Variants in PLA2R1 observed in about 807,000 individuals in gnomAD.
The protein encoded by PLA2R1 is secretory phospholipase A2 receptor.
A neutral mutation model predicts 195.9 loss-of-function variants in PLA2R1; 158 were observed. The ratio of observed to expected loss-of-function variants is 0.81; its 90% CI spans 0.71 to 0.92. PLA2R1 has a LOEUF of 0.92. Ranked by LOEUF, PLA2R1 falls within the 40% of genes least tolerant of loss-of-function variation. The pLI is 0.00. For synonymous variants in PLA2R1, 586 were observed against 598.2 expected (o/e 0.98, Z 0.30); for missense variants, 1,626 against 1,764.6 (o/e 0.92, Z 1.41).
chr2:159,986,929 G>A (rs1396791188), intron 12 of PLA2R1, among the ~76,000 whole-genome samples: 1 of 152,036 alleles, frequency 6.6e-6, no homozygotes, highest in Non-Finnish European at 1.5e-5. Flanking sequence ...ATCTTCATGA[G>A]GAAGCCTTCA....
At chr2:160,000,649 C>T (rs1212505336) in intron 11 of PLA2R1, among the ~76,000 whole-genome samples, 1 of 152,018 alleles carries the variant, frequency 6.6e-6, no homozygotes, top group Non-Finnish European at 1.5e-5. Context: ...AACTCGGATA[C>T]ATTTAAGGAA....
intron 20 of PLA2R1, among the ~76,000 whole-genome samples, chr2:159,966,386 A>G (rs928454242): frequency 2.0e-5 from 3 of 152,174 alleles, no homozygotes; most frequent in Non-Finnish European, 4.4e-5. Context: ...AGGGGTTCAG[A>G]GTAGGAAGAA....
intron 13 of PLA2R1, among the ~76,000 whole-genome samples, chr2:159,982,693 G>A (rs1381319233): frequency 6.6e-6 from 1 of 152,180 alleles, no homozygotes; most frequent in Non-Finnish European, 1.5e-5. Context: ...TCTGATAGAT[G>A]TTGCATGTTA....
intron 11 of PLA2R1, among the ~76,000 whole-genome samples, chr2:159,993,082 C>T (rs1192033216): frequency 2.0e-5 from 3 of 152,104 alleles, no homozygotes; most frequent in Non-Finnish European, 4.4e-5. Context: ...TTCTCTTTCA[C>T]CATAGAGCAA....
At chr2:160,001,491 C>T (rs1329864472) in intron 11 of PLA2R1, among the ~76,000 whole-genome samples, 3 of 151,672 alleles carry the variant, frequency 2.0e-5, no homozygotes, top group African/African-American at 7.3e-5. Flanking sequence ...TATAAGTAAA[C>T]CAAACTATAC....
At chr2:160,017,603 T>C (rs960858336) in intron 8 of PLA2R1, among the ~76,000 whole-genome samples, 1 of 152,220 alleles carries the variant, frequency 6.6e-6, no homozygotes, top group African/African-American at 2.4e-5. Flanking sequence ...CCTCTTTATA[T>C]GCTAGGCAGA....
rs1054380255 is a variant in PLA2R1 at position 159,941,278 on chromosome 2, A to G, written c.*500T>C. The stretch of plus-strand genomic sequence containing the variant: ...AAATTAGTATTTTCCAAATCCTGCT[A>G]TTAAAAGTGAATTCAAAAGAAACAA... On this transcript the variant is annotated 3_prime_UTR_variant, in exon 30 of 30. Coordinates refer to ENST00000283243, the MANE Select transcript of PLA2R1 (RefSeq NM_007366.5). 1.3e-5 allele frequency: 2 copies of G among 152,422 alleles called. No individual in the cohort carries two copies. Among genetic ancestry groups the G allele is most frequent in the Non-Finnish European group, 2.9e-5 (2 of 68,216 alleles). The allele number at this position is 152,422 out of a possible 1,614,324, so 9.4% of individuals were successfully genotyped here.
chr2:159,970,907 A>G (rs1169943275), intron 17 of PLA2R1, among the ~76,000 whole-genome samples: 1 of 142,354 alleles, frequency 7.0e-6, no homozygotes, highest in Non-Finnish European at 1.5e-5. Flanking sequence ...AACAATGAGA[A>G]CACATGGACA....
intron 20 of PLA2R1, among the ~76,000 whole-genome samples, chr2:159,963,471 A>G (rs1352705434): frequency 1.3e-5 from 2 of 152,196 alleles, no homozygotes; most frequent in Non-Finnish European, 2.9e-5. Context: ...AATGACTGAA[A>G]ATATTTATAA....
At chr2:159,985,073 T>C (rs1690232766) in intron 12 of PLA2R1, among the ~76,000 whole-genome samples, 1 of 152,186 alleles carries the variant, frequency 6.6e-6, no homozygotes, top group African/African-American at 2.4e-5. Flanking sequence ...ATCAGGGTGA[T>C]ATATAGTAGA....
rs1465692404 is a variant in PLA2R1 at position 160,020,249 on chromosome 2, T to C, written c.1309A>G (p.Thr437Ala). ...TTATTGCTGCTCAAACCAATCCATG[T>C]TTCTGATGCATTTTCTGTAAGAGAT... ...TLLGDENASE[T>A]WIGLSSNKIP... Residue 437 changes from threonine (T) to alanine (A), a missense_variant, in exon 8 of 30, where the codon ACA becomes GCA. Physicochemically the swap from Thr to Ala is moderately conservative, Grantham distance 58. Transcript: ENST00000283243. The C allele has an allele frequency of 6.2e-7, 1 of 1,608,570 alleles. No homozygotes were observed. The highest frequency in any genetic ancestry group is 1.3e-5 in the African/African-American group (1 of 74,680).
chr2:159,957,953 G>C (rs1365375513), intron 20 of PLA2R1, among the ~76,000 whole-genome samples: 2 of 152,148 alleles, frequency 1.3e-5, no homozygotes, highest in African/African-American at 2.4e-5. Context: ...CCTAGTCATT[G>C]ATAGATCAGA....
intron 1 of PLA2R1, among the ~76,000 whole-genome samples, chr2:160,047,752 G>C (rs1047737727): frequency 8.5e-5 from 13 of 152,230 alleles, no homozygotes; most frequent in Admixed American, 6.5e-4. Context: ...GCAGTGTGTA[G>C]ATGCGGGAAT....
chr2:160,033,068 CT>C lies in PLA2R1; in HGVS notation c.731del (p.Gln244ArgfsTer25). On this transcript the variant is annotated frameshift_variant, in exon 4 of 30. Transcript: ENST00000283243. LOFTEE classifies it high-confidence loss of function. Reference protein sequence around the residue: ...EKDLNSHICYQFNLLSSLSWS... With the variant: ...EKDLNSHICYXFNLLSSLSWS... Reference sequence around the variant, plus strand: ...AAGAGAGAGATGAAAGCAGGTTGAACTGGTAGCAAATGTGTGAATTGAGGTC... The same window carrying C: ...AAGAGAGAGATGAAAGCAGGTTGAACGGTAGCAAATGTGTGAATTGAGGTC... 1 of 1,613,598 alleles carries C rather than the reference CT, an allele frequency of 6.2e-7. No individual in the cohort carries two copies. Among genetic ancestry groups the C allele is most frequent in the Non-Finnish European group, 8.5e-7 (1 of 1,179,712 alleles).
chr2:159,977,519 G>C lies in PLA2R1; in HGVS notation c.2269-103C>G. ...TACATAAGCATTATAGGCTACTCCA[G>C]GAAGCTTCAGAAATGTCTGGATGTC... is the stretch of plus-strand genomic sequence containing the variant. On this transcript the variant is annotated intron_variant, in intron 14 of 29. Transcript: ENST00000283243. 3 of 882,512 alleles carry C rather than the reference G, an allele frequency of 3.4e-6. No individual in the cohort carries two copies. In the South Asian group the frequency reaches 6.3e-5, roughly 18 times the overall value. 54.7% of individuals were successfully genotyped at this position (882,512 alleles called of 1,614,324 possible).
At position 159,987,170 on chromosome 2, in the gene PLA2R1, C is replaced by T; in HGVS notation, c.2023G>A (p.Ala675Thr). 6.2e-7 allele frequency: 1 copy of T among 1,613,164 alleles called. No individual in the cohort carries two copies. Among genetic ancestry groups the T allele is most frequent in the Non-Finnish European group, 8.5e-7 (1 of 1,179,162 alleles). Residue 675 changes from alanine (A) to threonine (T), a missense_variant, in exon 12 of 30, where the codon GCC (alanine) becomes ACC (threonine). Ala to Thr is a moderately conservative substitution (Grantham distance 58). Coordinates refer to ENST00000283243, the MANE Select transcript of PLA2R1 (RefSeq NM_007366.5). ...YLDWESEPGL[A>T]SCFKVFHSEK... ...CTTGGTATCACCTTGAAGCAACTGGCCAGACCAGGCTCTGACTCCCAGTCC... is the reference window on the plus strand; with the variant it reads ...CTTGGTATCACCTTGAAGCAACTGGTCAGACCAGGCTCTGACTCCCAGTCC...
intron 1 of PLA2R1, among the ~76,000 whole-genome samples, chr2:160,057,400 G>C (rs1035742830): frequency 6.6e-6 from 1 of 152,164 alleles, no homozygotes; most frequent in Non-Finnish European, 1.5e-5. Flanking sequence ...GTGACCTTCA[G>C]TGGGCCTCTT....
At chr2:159,955,389 C>G in intron 22 of PLA2R1, 43 bp from the exon 23 acceptor site, 1 of 1,262,740 alleles carries the variant, frequency 7.9e-7, no homozygotes, top group South Asian at 1.4e-5. Flanking sequence ...TAACATATAG[C>G]ATTATTATAA....
rs1386032583 is a variant in PLA2R1, at chr2:160,022,754, G to A, written c.1205C>T (p.Ala402Val). ...GTTATCAGCCTGACAAGAACGCAGAGCCTCATGCCAGGTCTTTTCTTCTTT... is the reference window on the plus strand; with the variant it reads ...GTTATCAGCCTGACAAGAACGCAGAACCTCATGCCAGGTCTTTTCTTCTTT... ...LQKEEKTWHE[A>V]LRSCQADNSA... Residue 402 changes from alanine to valine, a missense_variant, in exon 7 of 30, where the codon GCT (alanine) becomes GTT (valine). Physicochemically the swap from Ala to Val is moderately conservative, Grantham distance 64. Coordinates refer to ENST00000283243, the MANE Select transcript of PLA2R1 (RefSeq NM_007366.5). 7 of 1,613,028 alleles carry A rather than the reference G, an allele frequency of 4.3e-6. No individual in the cohort carries two copies. Among genetic ancestry groups the A allele is most frequent in the Non-Finnish European group, 5.9e-6 (7 of 1,179,096 alleles).
Sources: allele counts gnomAD v4.1 joint callset (sites outside exome capture counted in the v4.1 genomes callset), GRCh38; gene constraint gnomAD v4.1.1; transcripts MANE v1.5; gene names NCBI Gene and HGNC (gene_info 2026-07-23, HGNC 2026-07-21).